The following TBC1D15 variants were observed in gnomAD, a reference collection of about 807,000 sequenced individuals.
TBC1D15 encodes TBC1 domain family member 15.
In TBC1D15, 39 loss-of-function variants were observed where a neutral mutation model predicts 95.4. The ratio of observed to expected loss-of-function variants is 0.41; its 90% CI spans 0.32 to 0.53. The LOEUF is 0.53. Among genes scored for constraint, TBC1D15 ranks in the 20% least tolerant of loss-of-function variants. The pLI, the probability that TBC1D15 is intolerant of heterozygous loss-of-function variation, is 0.29. For missense variants in TBC1D15, 733 were observed against 794.3 expected, an observed-to-expected ratio of 0.92 and a Z score of 0.93; for synonymous variants, 258 against 261.3, an observed-to-expected ratio of 0.99 and a Z score of 0.12.
At chr12:71,877,084 T>TA (rs1168840811) in intron 3 of TBC1D15, among the ~76,000 whole-genome samples, 3 of 152,114 alleles carry the variant, frequency 2.0e-5, no homozygotes, top group Non-Finnish European at 4.4e-5. Context: ...GTGCTGGAAT[T>TA]ACAGACGTGA....
In TBC1D15 at chr12:71,895,328, T is replaced by C. The variant is rs113882901; in HGVS notation, c.855+445T>C. ...AATTATGGCAGATCTTTATATGTGC[T>C]CAGTAAGATTTAAATTTGCTACAAT... On this transcript the variant is annotated intron_variant, in intron 7 of 16. Coordinates refer to ENST00000485960, the MANE Select transcript of TBC1D15 (RefSeq NM_001146213.3). Among the ~76,000 whole-genome samples the C allele has an allele frequency of 5.3e-3, 811 of 152,206 alleles. 3 individuals carry two copies. The highest frequency in any genetic ancestry group is 0.019 in the African/African-American group (777 of 41,564).
chr12:71,845,837 A>C (rs1010331839), intron 1 of TBC1D15, among the ~76,000 whole-genome samples: 2 of 152,192 alleles, frequency 1.3e-5, no homozygotes, highest in African/African-American at 4.8e-5. Flanking sequence ...TTACTGCTAC[A>C]TTTAAAATAT....
intron 1 of TBC1D15, among the ~76,000 whole-genome samples, chr12:71,852,312 A>G (rs562762872): frequency 6.6e-5 from 10 of 152,098 alleles, no homozygotes; most frequent in African/African-American, 1.7e-4. Context: ...CAAGGAAACC[A>G]TTTTTCCCTC....
intron 5 of TBC1D15, among the ~76,000 whole-genome samples, chr12:71,888,127 G>T (rs58195042): frequency 0.027 from 4,092 of 152,256 alleles, 185 homozygotes; most frequent in African/African-American, 0.092. Context: ...TTCATGTTTC[G>T]TGAGAGTAGC....
intron 12 of TBC1D15, among the ~76,000 whole-genome samples, chr12:71,915,778 A>G (rs1028513551): frequency 1.3e-5 from 2 of 152,178 alleles, no homozygotes; most frequent in African/African-American, 2.4e-5. Flanking sequence ...TAAAAAAGAT[A>G]TCTTATGATT....
At position 71,860,447 on chromosome 12, in the gene TBC1D15, A is replaced by G. The variant is rs190883266; in HGVS notation, c.31-11623A>G. 3.6e-3 allele frequency among the ~76,000 whole-genome samples: 545 copies of G among 152,260 alleles called. 4 individuals are homozygous for G. The highest frequency in any genetic ancestry group is 0.013 in the African/African-American group (529 of 41,562). On this transcript the variant is annotated intron_variant, in intron 1 of 16. Transcript: ENST00000485960. ...CATCAGTGTTTGTAGTTATTCTTGTACAGATCTTTCACCTTGGTTAAATTT... is the reference window on the plus strand; with the variant it reads ...CATCAGTGTTTGTAGTTATTCTTGTGCAGATCTTTCACCTTGGTTAAATTT...
At chr12:71,877,521 T>TTCC (rs2138409767) in intron 3 of TBC1D15, among the ~76,000 whole-genome samples, 1 of 127,334 alleles carries the variant, frequency 7.9e-6, no homozygotes, top group East Asian at 2.0e-4. Context: ...CCTTCCTTCC[T>TTCC]TCCTTCCTTC....
intron 1 of TBC1D15, among the ~76,000 whole-genome samples, chr12:71,844,267 G>A (rs1417688401): frequency 6.6e-6 from 1 of 152,182 alleles, no homozygotes; most frequent in Non-Finnish European, 1.5e-5. Flanking sequence ...GCGTTTGTCT[G>A]TCTTCAGGAT....
chr12:71,913,540 A>AT (rs1902941745), intron 11 of TBC1D15: 1 of 269,644 alleles, frequency 3.7e-6, no homozygotes. Context: ...CTTGCACATT[A>AT]TTTTTAAAAA....
chr12:71,910,983 A>C (rs948242642), intron 11 of TBC1D15, among the ~76,000 whole-genome samples: 3 of 152,230 alleles, frequency 2.0e-5, no homozygotes, highest in African/African-American at 7.2e-5. Flanking sequence ...GACACTTCTC[A>C]AAAGAAGACA....
At chr12:71,876,578 C>T (rs1281986989) in intron 3 of TBC1D15, among the ~76,000 whole-genome samples, 3 of 152,104 alleles carry the variant, frequency 2.0e-5, no homozygotes, top group Admixed American at 2.0e-4. Context: ...ATATTTTAAT[C>T]CCTCTGTTTT....
At chr12:71,867,445 A>G (rs1284215963) in intron 1 of TBC1D15, among the ~76,000 whole-genome samples, 1 of 152,220 alleles carries the variant, frequency 6.6e-6, no homozygotes, top group Non-Finnish European at 1.5e-5. Context: ...AGATGTAGAT[A>G]ACAATACTGG....
intron 1 of TBC1D15, chr12:71,854,769 C>G (rs1210917289): frequency 1.5e-5 from 7 of 456,552 alleles, no homozygotes; most frequent in Non-Finnish European, 3.1e-5. Flanking sequence ...CCTCTCCCCC[C>G]CACCTTCTTT....
chr12:71,921,542 C>T, intron 16 of TBC1D15, 88 bp downstream of exon 16: 2 of 754,304 alleles, frequency 2.7e-6, no homozygotes, highest in Non-Finnish European at 4.0e-6. Context: ...AATAAAATAG[C>T]AACTTTAGTA....
chr12:71,878,225 ATTCCTTTGCTCATTGTGTTTGATTT>A (rs1345351923), intron 3 of TBC1D15, among the ~76,000 whole-genome samples: 1 of 151,814 alleles, frequency 6.6e-6, no homozygotes, highest in African/African-American at 2.4e-5. Flanking sequence ...TCAGTATATT[ATTCCTTTGCTCATTGTGTTTGATTT>A]TTCCTAATTT....
At chr12:71,859,465 T>G (rs888661334) in intron 1 of TBC1D15, among the ~76,000 whole-genome samples, 5 of 151,970 alleles carry the variant, frequency 3.3e-5, no homozygotes, top group Non-Finnish European at 5.9e-5. Context: ...TGTTTGTCTG[T>G]TTTTGCTCTT....
At chr12:71,889,449 T>C (rs1294024049) in intron 5 of TBC1D15, among the ~76,000 whole-genome samples, 3 of 152,204 alleles carry the variant, frequency 2.0e-5, no homozygotes, top group Admixed American at 1.3e-4. Context: ...TCCCTCCCTA[T>C]TCTCCTTCCT....
chr12:71,871,925 G>C, intron 1 of TBC1D15, 145 bp from the exon 2 acceptor site: 1 of 397,240 alleles, frequency 2.5e-6, no homozygotes. Flanking sequence ...TTAACTCTGA[G>C]AGGTATTTTT....
Position 71,847,269 on chromosome 12 carries a change from T to A in TBC1D15, c.30+7458T>A, listed in dbSNP as rs77785693. On this transcript the variant is annotated intron_variant, in intron 1 of 16. Coordinates refer to ENST00000485960, the MANE Select transcript of TBC1D15 (RefSeq NM_001146213.3). The stretch of plus-strand genomic sequence containing the variant: ...ATTTTTTGGTCACTATAAATTAGTT[T>A]TAATTTTCTAGAACTTTATATAAAT... Among the ~76,000 whole-genome samples, 651 of 152,338 alleles carry A rather than the reference T, an allele frequency of 4.3e-3. 5 individuals carry two copies. The highest frequency in any genetic ancestry group is 0.014 in the African/African-American group (601 of 41,566).
Sources: gnomAD v4.1 joint callset for allele counts (sites outside exome capture counted in the v4.1 genomes callset) on GRCh38, gnomAD v4.1.1 for gene constraint, MANE v1.5 for transcripts, NCBI Gene and HGNC (gene_info 2026-07-23, HGNC 2026-07-21) for gene names.